The following KIAA1549 variants were observed in gnomAD, a reference collection of about 807,000 sequenced individuals.
KIAA1549 encodes KIAA1549.
A neutral mutation model predicts 156.4 loss-of-function variants in KIAA1549; 70 were observed. The observed-to-expected ratio is 0.45, with a 90% CI of 0.37 to 0.55. The LOEUF is 0.55. KIAA1549 is among the 20% of genes least tolerant of loss of function. The pLI, the probability that KIAA1549 is intolerant of heterozygous loss-of-function variation, is 0.00. For missense variants in KIAA1549, 2,428 were observed against 2,540.9 expected (o/e 0.96, Z 0.96); for synonymous variants, 1,103 against 1,066.4 (o/e 1.03, Z -0.67).
chr7:138,836,741 A>C lies in KIAA1549; in HGVS notation c.*1165T>G, dbSNP rs1168987859. On this transcript the variant is annotated 3_prime_UTR_variant, in exon 20 of 20. Transcript: ENST00000422774. ...GACAGAGTAACAGCACAATAAAATC[A>C]GAAATGAGAAGCAACTCTCTCCTTT... 2 of 220,568 alleles carry C rather than the reference A, an allele frequency of 9.1e-6. No individual in the cohort carries two copies. Among genetic ancestry groups the C allele is most frequent in the Admixed American group, 1.2e-4 (2 of 17,348 alleles). 13.7% of individuals were successfully genotyped at this position (220,568 alleles called of 1,614,324 possible).
At chr7:138,873,599 T>TAAA (rs57051860) in intron 12 of KIAA1549, among the ~76,000 whole-genome samples, 1,570 of 105,698 alleles carry the variant, frequency 0.015, 43 homozygotes, top group African/African-American at 0.056. Flanking sequence ...TGACAGGCAT[T>TAAA]AAAAAAAAAA....
Position 138,861,400 on chromosome 7 carries a change from C to A in KIAA1549, c.4986G>T (p.Arg1662Ser). 4 of 1,612,044 alleles carry A rather than the reference C, an allele frequency of 2.5e-6. No individual in the cohort carries two copies. The highest frequency in any genetic ancestry group is 3.4e-6 in the Non-Finnish European group (4 of 1,179,378). ...AGGCCGGGAAGGGAAGGGCTGGATA[C>A]CTCCCCAGTTCCACCGAGGATGGTG... ...VQTPSSVELG[R>S]YPALPFPASQ... The change falls in exon 16 of 20, where the codon AGG becomes AGT. Residue 1662 changes from arginine to serine, a missense_variant. Physicochemically the swap from Arg to Ser is moderately radical, Grantham distance 110 (BLOSUM62 -1). Transcript: ENST00000422774.
At chr7:138,851,812 A>G (rs1810242299) in intron 17 of KIAA1549, among the ~76,000 whole-genome samples, 1 of 152,138 alleles carries the variant, frequency 6.6e-6, no homozygotes, top group African/African-American at 2.4e-5. Flanking sequence ...TCCCAGCCCC[A>G]TGAGTCTGTC....
intron 10 of KIAA1549, among the ~76,000 whole-genome samples, chr7:138,886,468 G>A (rs1229415216): frequency 2.0e-5 from 3 of 151,968 alleles, no homozygotes; most frequent in Non-Finnish European, 4.4e-5. Context: ...TGTAGAGACA[G>A]GATCTTGCTA....
intron 17 of KIAA1549, among the ~76,000 whole-genome samples, chr7:138,845,743 A>T (rs942120205): frequency 6.6e-6 from 1 of 152,162 alleles, no homozygotes; most frequent in African/African-American, 2.4e-5. Context: ...GGTGCTAGGA[A>T]GTTGTCAAGT....
At chr7:138,960,302 GATTTATTT>G (rs1475349128) in intron 1 of KIAA1549, among the ~76,000 whole-genome samples, 2 of 91,058 alleles carry the variant, frequency 2.2e-5, no homozygotes, top group African/African-American at 4.7e-5. Context: ...TTGATTTATT[GATTTATTT>G]ATTTATTTAT....
chr7:138,935,920 T>C (rs995005279), intron 1 of KIAA1549, among the ~76,000 whole-genome samples: 14 of 152,024 alleles, frequency 9.2e-5, no homozygotes, highest in East Asian at 5.8e-4. Context: ...TCTGCAGTGG[T>C]TGGAGAGAAT....
intron 1 of KIAA1549, among the ~76,000 whole-genome samples, chr7:138,924,858 A>T (rs182775534): frequency 2.6e-4 from 40 of 152,238 alleles, no homozygotes; most frequent in Non-Finnish European, 1.0e-4. Context: ...TTCACAAAAG[A>T]GAGAAAGGTT....
chr7:138,955,423 CAA>C (rs142543412), intron 1 of KIAA1549, among the ~76,000 whole-genome samples: 1,776 of 152,096 alleles, frequency 0.012, 40 homozygotes, highest in African/African-American at 0.041. Context: ...ATAGAGGAGT[CAA>C]ATTCATAGAG....
Position 138,922,860 on chromosome 7 carries a change from C to A in KIAA1549, c.188-3422G>T, listed in dbSNP as rs992761345. Among the ~76,000 whole-genome samples, 4 of 151,638 alleles carry A rather than the reference C, an allele frequency of 2.6e-5. No homozygotes were observed. The South Asian group carries it at 6.2e-4, about 24-fold the overall frequency. ...AAAATAAAATGGAATAGGGTAGATA[C>A]AATATTCAAAGACATAGTGCTAAGA... On this transcript the variant is annotated intron_variant, in intron 1 of 19. Coordinates refer to ENST00000422774, the MANE Select transcript of KIAA1549 (RefSeq NM_001164665.2).
At position 138,981,196 on chromosome 7, in the gene KIAA1549, G is replaced by C. The variant is rs1192259253; in HGVS notation, c.74C>G (p.Pro25Arg). 6 of 1,064,718 alleles carry C rather than the reference G, an allele frequency of 5.6e-6. No individual in the cohort carries two copies. The highest frequency in any genetic ancestry group is 5.7e-6 in the Non-Finnish European group (5 of 881,710). 66.0% of individuals were successfully genotyped at this position (1,064,718 alleles called of 1,614,324 possible). A position where few individuals can be genotyped will look rare whatever the true frequency, so the allele number is the denominator to read the frequency against. The change falls in exon 1 of 20, where the codon CCG (proline) becomes CGG (arginine). Residue 25 changes from proline to arginine, a missense_variant. This residue lies in a region of KIAA1549 where 893 missense variants were observed against 847.9 expected (regional missense o/e 1.05). Transcript: ENST00000422774. The surrounding 1 kb of genome is among the most constrained non-coding windows in gnomAD (Gnocchi z 4.5). ...GGAAGGCCGTCGGCCGCTCGGCCCC[G>C]GGGCCAGCGCGACCCCGGCGCGGGG... is the stretch of plus-strand genomic sequence containing the variant. Reference protein sequence around the residue: ...GKPRAGVALAPGPSGRRPSAR... With the variant: ...GKPRAGVALARGPSGRRPSAR...
In KIAA1549 at chr7:138,942,267, T is replaced by G. The variant is rs555246792; in HGVS notation, c.188-22829A>C. 5.5e-4 allele frequency among the ~76,000 whole-genome samples: 84 copies of G among 152,214 alleles called. 1 individual carries two copies. Among genetic ancestry groups the G allele is most frequent in the African/African-American group, 2.0e-3 (83 of 41,528 alleles). On this transcript the variant is annotated intron_variant, in intron 1 of 19. Transcript: ENST00000422774. The stretch of plus-strand genomic sequence containing the variant: ...CAGCTCTGTACAAAAATTTTCATAA[T>G]TGAAGGCAAACGAGAATTCTAAGTA...
At chr7:138,887,409 T>C (rs1584731725) in intron 10 of KIAA1549, among the ~76,000 whole-genome samples, 1 of 152,224 alleles carries the variant, frequency 6.6e-6, no homozygotes, top group East Asian at 1.9e-4. Flanking sequence ...GAGTTTCAAC[T>C]GGTCTACCCA....
Position 138,899,075 on chromosome 7 carries a change from C to G in KIAA1549, c.3727G>C (p.Val1243Leu). The change falls in exon 9 of 20, where the codon GTG becomes CTG. Residue 1243 changes from valine (V) to leucine (L), a missense_variant. By Grantham distance (32) the Val-to-Leu change is conservative. This residue lies in a region of KIAA1549 where 762 missense variants were observed against 901.6 expected (regional missense o/e 0.85). Coordinates refer to ENST00000422774, the MANE Select transcript of KIAA1549 (RefSeq NM_001164665.2). The stretch of plus-strand genomic sequence containing the variant: ...AGTCTTTCTCCATCTTGATCCTCCA[C>G]AAAGTAGATGAGCTGTACCGGATTG... ...DDNPVQLIYF[V>L]EDQDGERLSA... The G allele has an allele frequency of 6.2e-7, 1 of 1,613,850 alleles. No individual in the cohort carries two copies. Among genetic ancestry groups the G allele is most frequent in the East Asian group, 2.2e-5 (1 of 44,882 alleles).
chr7:138,894,483 G>A lies in KIAA1549; in HGVS notation c.3891C>T (p.Asn1297=). 2 of 1,614,038 alleles carry A rather than the reference G, an allele frequency of 1.2e-6. No homozygotes were observed. Among genetic ancestry groups the A allele is most frequent in the Non-Finnish European group, 1.7e-6 (2 of 1,179,904 alleles). The stretch of plus-strand genomic sequence containing the variant: ...CCACGCCAACAATGACCCACAAGTT[G>A]TTGCTCTGGGATTCCGGAGACGGCC... ...VKRPSPESQS[N]NLWVIVGVVI... The change falls in exon 10 of 20, where the codon AAC becomes AAT. Residue 1297 remains asparagine (N), a synonymous_variant. Coordinates refer to ENST00000422774, the MANE Select transcript of KIAA1549 (RefSeq NM_001164665.2).
intron 1 of KIAA1549, among the ~76,000 whole-genome samples, chr7:138,929,352 T>C (rs562994683): frequency 5.8e-4 from 88 of 152,336 alleles, no homozygotes; most frequent in African/African-American, 2.1e-3. Context: ...CCATAAGAAG[T>C]GACTCCTCGT....
At chr7:138,924,910 CG>C (rs1563080508) in intron 1 of KIAA1549, among the ~76,000 whole-genome samples, 1 of 152,134 alleles carries the variant, frequency 6.6e-6, no homozygotes, top group Non-Finnish European at 1.5e-5. Context: ...TGGGGTGAGA[CG>C]GGTGCTTCTC....
In KIAA1549 at chr7:138,861,740, G is replaced by A. The variant is rs142583532; in HGVS notation, c.4930-284C>T. Among the ~76,000 whole-genome samples the A allele has an allele frequency of 5.9e-3, 890 of 151,514 alleles. 8 individuals are homozygous for A. Among genetic ancestry groups the A allele is most frequent in the African/African-American group, 0.02 (840 of 41,306 alleles). ...AAAGAAATTAGCCAGGTGTGGTGGT[G>A]TGCACCTGTAGTCCCAGTTACTTGG... is the stretch of plus-strand genomic sequence containing the variant. On this transcript the variant is annotated intron_variant, in intron 15 of 19. Coordinates refer to ENST00000422774, the MANE Select transcript of KIAA1549 (RefSeq NM_001164665.2).
intron 18 of KIAA1549, among the ~76,000 whole-genome samples, chr7:138,840,568 A>G (rs1045946451): frequency 2.6e-5 from 4 of 152,080 alleles, no homozygotes; most frequent in Non-Finnish European, 5.9e-5. Flanking sequence ...AGAAAATCCC[A>G]TTGCAAAAAA....
Sources: allele counts gnomAD v4.1 joint callset (sites outside exome capture counted in the v4.1 genomes callset), GRCh38; gene constraint gnomAD v4.1.1; regional missense constraint gnomAD v4.1.1; non-coding constraint Gnocchi (gnomAD v3.1); transcripts MANE v1.5; gene names NCBI Gene and HGNC (gene_info 2026-07-23, HGNC 2026-07-21).